The following MSH3 variants were observed in gnomAD, a reference collection of about 807,000 sequenced individuals.
MSH3 encodes mutS homolog 3, also known as DNA mismatch repair protein Msh3.
Under a neutral mutation model 123.3 loss-of-function variants are expected in MSH3, and 106 were observed. That is an observed-to-expected ratio of 0.86 (90% confidence interval 0.73 to 1.01). The LOEUF is 1.01. Among genes scored for constraint, MSH3 ranks in the 50% least tolerant of loss-of-function variants. The pLI, the probability that MSH3 is intolerant of heterozygous loss-of-function variation, is 0.00. For missense variants in MSH3, 1,459 were observed against 1,347.6 expected (o/e 1.08, Z -1.29); for synonymous variants, 515 against 481.4 (o/e 1.07, Z -0.91).
At chr5:80,833,338 T>C (rs1280990604) in intron 20 of MSH3, among the ~76,000 whole-genome samples, 1 of 152,208 alleles carries the variant, frequency 6.6e-6, no homozygotes, top group Non-Finnish European at 1.5e-5. Flanking sequence ...TAATAACATA[T>C]GCTGTGGAAT....
intron 9 of MSH3, among the ~76,000 whole-genome samples, chr5:80,728,048 A>G (rs1013050976): frequency 3.3e-5 from 5 of 152,192 alleles, no homozygotes; most frequent in Non-Finnish European, 5.9e-5. Context: ...GGAACAGAGT[A>G]ACTGATGGGG....
intron 8 of MSH3, among the ~76,000 whole-genome samples, chr5:80,709,193 T>G: frequency 6.7e-6 from 1 of 148,656 alleles, no homozygotes; most frequent in East Asian, 2.0e-4. Flanking sequence ...ACATTAGCGA[T>G]GAATATAAAA....
intron 8 of MSH3, among the ~76,000 whole-genome samples, chr5:80,723,007 A>C (rs1013533547): frequency 2.0e-5 from 3 of 152,044 alleles, no homozygotes; most frequent in African/African-American, 7.2e-5. Flanking sequence ...CTTGGGGCTG[A>C]TGAAGGAGGA....
At chr5:80,736,318 C>T (rs1395691578) in intron 10 of MSH3, among the ~76,000 whole-genome samples, 2 of 135,730 alleles carry the variant, frequency 1.5e-5, no homozygotes, top group Non-Finnish European at 3.1e-5. Context: ...AAGAACATAA[C>T]TAAGAAGTAT....
intron 1 of MSH3, 127 bp downstream of exon 1, chr5:80,655,091 A>T: frequency 1.7e-6 from 1 of 587,494 alleles, no homozygotes. Flanking sequence ...GGGCTGAAGA[A>T]GGGGAAGGTG....
At chr5:80,679,183 T>C in intron 8 of MSH3, 90 bp downstream of exon 8, 3 of 1,348,630 alleles carry the variant, frequency 2.2e-6, no homozygotes, top group Non-Finnish European at 3.2e-6. Context: ...CTAAAAATAG[T>C]TTTTACTTAC....
chr5:80,850,871 G>A (rs1745819469), intron 20 of MSH3, among the ~76,000 whole-genome samples: 1 of 152,012 alleles, frequency 6.6e-6, no homozygotes, highest in Admixed American at 6.5e-5. Flanking sequence ...TAATGTGTTT[G>A]CTACTCATAT....
chr5:80,722,815 C>A (rs1232673351), intron 8 of MSH3, among the ~76,000 whole-genome samples: 1 of 152,088 alleles, frequency 6.6e-6, no homozygotes, highest in Non-Finnish European at 1.5e-5. Flanking sequence ...AATTAAAATA[C>A]CAATAAGGGC....
In MSH3 at chr5:80,723,410, A is replaced by G. The variant is rs548000267; in HGVS notation, c.1341-2043A>G. ...TTATAAATCATCAGGGACGTATGGA[A>G]TGCTAATTGCTGCTTTGATCATTAA... On this transcript the variant is annotated intron_variant, in intron 8 of 23. Transcript: ENST00000265081. Among the ~76,000 whole-genome samples the G allele has an allele frequency of 4.6e-5, 7 of 152,342 alleles. No individual in the cohort carries two copies. In the South Asian group the frequency reaches 1.4e-3, roughly 32 times the overall value.
At chr5:80,827,308 A>G (rs1561491121) in intron 20 of MSH3, among the ~76,000 whole-genome samples, 1 of 152,222 alleles carries the variant, frequency 6.6e-6, no homozygotes, top group Non-Finnish European at 1.5e-5. Context: ...CTACTTACAC[A>G]AACTCCCTCT....
intron 15 of MSH3, among the ~76,000 whole-genome samples, chr5:80,772,179 G>C (rs1744224654): frequency 6.6e-6 from 1 of 151,868 alleles, no homozygotes; most frequent in Admixed American, 6.6e-5. Context: ...TATTACTAAG[G>C]GAAAAAGAAA....
chr5:80,804,403 TGTTCTTGGGAAGGCTTTCCAA>T, intron 19 of MSH3, among the ~76,000 whole-genome samples: 1 of 152,332 alleles, frequency 6.6e-6, no homozygotes, highest in South Asian at 2.1e-4. Flanking sequence ...TGTTTGTACT[TGTTCTTGGGAAGGCTTTCCAA>T]GTATTCAAAG....
Position 80,704,193 on chromosome 5 carries a change from C to T in MSH3, c.1341-21260C>T, listed in dbSNP as rs558858305. 1.2e-3 allele frequency among the ~76,000 whole-genome samples: 183 copies of T among 152,244 alleles called. 1 individual carries two copies. The highest frequency in any genetic ancestry group is 2.1e-3 in the Non-Finnish European group (142 of 68,012). ...ACTGTGGGTCACTGAGGGTGACCTG[C>T]GTGGGTCCCATGGGCTCAGCCTGGC... On this transcript the variant is annotated intron_variant, in intron 8 of 23. Coordinates refer to ENST00000265081, the MANE Select transcript of MSH3 (RefSeq NM_002439.5).
intron 17 of MSH3, among the ~76,000 whole-genome samples, chr5:80,781,974 TGTAAA>T (rs1468967731): frequency 6.6e-5 from 10 of 152,166 alleles, no homozygotes; most frequent in Non-Finnish European, 1.2e-4. Flanking sequence ...AAGAAAATCA[TGTAAA>T]GTAAAAGTAT....
intron 23 of MSH3, among the ~76,000 whole-genome samples, chr5:80,874,373 GC>G (rs1269354929): frequency 6.6e-6 from 1 of 152,108 alleles, no homozygotes; most frequent in Non-Finnish European, 1.5e-5. Flanking sequence ...ATGGCACACA[GC>G]CTCCTCTAGT....
In MSH3 at chr5:80,675,099, A is replaced by T. The variant is rs139170496; in HGVS notation, c.1144A>T (p.Lys382Ter). The change falls in exon 7 of 24, where the codon AAA (lysine) becomes TAA (stop). Residue 382 changes from lysine (K) to a stop codon, truncating the protein, a stop_gained. Transcript: ENST00000265081. LOFTEE classifies it high-confidence loss of function. ...AAATAAGGAAAATGTTAGGGACAAA[A>T]AAAAGGGCAACATTTTTATTGGCAT... ...SENKENVRDK[K>*]KGNIFIGIVG... 3 of 1,613,744 alleles carry T rather than the reference A, an allele frequency of 1.9e-6. No individual in the cohort carries two copies. The highest frequency in any genetic ancestry group is 2.7e-5 in the African/African-American group (2 of 74,884).
At chr5:80,742,203 T>C (rs1182528235) in intron 11 of MSH3, among the ~76,000 whole-genome samples, 1 of 152,122 alleles carries the variant, frequency 6.6e-6, no homozygotes, top group Non-Finnish European at 1.5e-5. Context: ...AGAGACAGGG[T>C]TTCGCCATAT....
At chr5:80,776,051 G>A (rs192259786) in intron 16 of MSH3, among the ~76,000 whole-genome samples, 26 of 151,952 alleles carry the variant, frequency 1.7e-4, no homozygotes, top group African/African-American at 5.1e-4. Flanking sequence ...TACAACCCCC[G>A]GCTAATTTTT....
chr5:80,657,701 T>C (rs1223095265), intron 2 of MSH3, among the ~76,000 whole-genome samples: 1 of 152,068 alleles, frequency 6.6e-6, no homozygotes, highest in Admixed American at 6.5e-5. Flanking sequence ...AATGGAGATA[T>C]ATGTAAAATA....
Sources: gnomAD v4.1 joint callset for allele counts (sites outside exome capture counted in the v4.1 genomes callset) on GRCh38, gnomAD v4.1.1 for gene constraint, MANE v1.5 for transcripts, NCBI Gene and HGNC (gene_info 2026-07-23, HGNC 2026-07-21) for gene names.